Variants in ARHGEF26 observed in about 807,000 individuals in gnomAD.
The protein encoded by ARHGEF26 is Rho guanine nucleotide exchange factor (GEF) 26.
Under a neutral mutation model 89.4 loss-of-function variants are expected in ARHGEF26, and 59 were observed. The ratio of observed to expected loss-of-function variants is 0.66; its 90% confidence interval spans 0.54 to 0.82. ARHGEF26 has a LOEUF of 0.82. ARHGEF26 is among the 40% of genes least tolerant of loss of function. The pLI is 0.00. For missense variants in ARHGEF26, 1,234 were observed against 1,085.6 expected (o/e 1.14, Z -1.92); for synonymous variants, 500 against 428.4 (o/e 1.17, Z -2.06).
intron 6 of ARHGEF26, among the ~76,000 whole-genome samples, chr3:154,155,345 AAC>A (rs1210903105): frequency 6.6e-6 from 1 of 152,046 alleles, no homozygotes; most frequent in Non-Finnish European, 1.5e-5. Flanking sequence ...TGCTCGCTGA[AAC>A]ACAAGAATAT....
At chr3:154,124,935 T>C (rs1718237234) in intron 3 of ARHGEF26, among the ~76,000 whole-genome samples, 2 of 151,744 alleles carry the variant, frequency 1.3e-5, no homozygotes, top group Non-Finnish European at 1.5e-5. Flanking sequence ...AAAAACATAT[T>C]CTTAAGACTT....
intron 9 of ARHGEF26, among the ~76,000 whole-genome samples, chr3:154,214,754 G>T (rs1715610570): frequency 6.6e-6 from 1 of 152,138 alleles, no homozygotes; most frequent in Non-Finnish European, 1.5e-5. Flanking sequence ...GCCTGGTATG[G>T]TGCTTGGGTT....
At chr3:154,133,542 G>C (rs1246391853) in intron 4 of ARHGEF26, among the ~76,000 whole-genome samples, 1 of 151,502 alleles carries the variant, frequency 6.6e-6, no homozygotes, top group African/African-American at 2.4e-5. Flanking sequence ...TTATTTCTGG[G>C]CTCTTTTTTC....
chr3:154,129,758 AAAC>A (rs769786046), intron 4 of ARHGEF26, 39 bp downstream of exon 4: 1 of 1,569,692 alleles, frequency 6.4e-7, no homozygotes, highest in African/African-American at 1.4e-5. Flanking sequence ...GGTAGGAAAA[AAAC>A]AAGTTTTGGA....
chr3:154,228,631 G>T (rs1716640056), intron 11 of ARHGEF26, among the ~76,000 whole-genome samples: 1 of 151,858 alleles, frequency 6.6e-6, no homozygotes, highest in Non-Finnish European at 1.5e-5. Context: ...AATTGTTTAT[G>T]ACCTGAATAT....
intron 12 of ARHGEF26, among the ~76,000 whole-genome samples, 179 bp downstream of exon 12, chr3:154,240,758 T>C (rs977905686): frequency 6.6e-6 from 1 of 152,238 alleles, no homozygotes; most frequent in African/African-American, 2.4e-5. Flanking sequence ...CATTGTAATC[T>C]TCTTACAGGA....
chr3:154,233,024 GGTTTTACCAT>G (rs1163653686), intron 11 of ARHGEF26, among the ~76,000 whole-genome samples: 11 of 151,718 alleles, frequency 7.3e-5, no homozygotes, highest in African/African-American at 2.4e-4. Context: ...GTAAAGACGG[GGTTTTACCAT>G]GTTAGCCAGG....
intron 9 of ARHGEF26, among the ~76,000 whole-genome samples, chr3:154,196,375 C>T (rs1007447175): frequency 6.6e-6 from 1 of 152,074 alleles, no homozygotes; most frequent in Non-Finnish European, 1.5e-5. Context: ...ATGAGGTTGG[C>T]ACAGAGGAGC....
Position 154,129,654 on chromosome 3 carries a change from A to C in ARHGEF26, c.1204A>C (p.Lys402Gln). Residue 402 changes from lysine (K) to glutamine (Q), a missense_variant, in exon 4 of 15, where the codon AAG (lysine) becomes CAG (glutamine). Physicochemically the swap from Lys to Gln is moderately conservative, Grantham distance 53. Coordinates refer to ENST00000465093, the MANE Select transcript of ARHGEF26 (RefSeq NM_015595.4). ...SDEESEPKEQ[K>Q]SDEKIVIHHK... Reference sequence around the variant, plus strand: ...TGAAGAGTCAGAGCCCAAAGAACAGAAGTCAGATGAAAAAATTGTGATTCA... The same window carrying C: ...TGAAGAGTCAGAGCCCAAAGAACAGCAGTCAGATGAAAAAATTGTGATTCA... 1 of 1,612,194 alleles carries C rather than the reference A, an allele frequency of 6.2e-7. No homozygotes were observed. The highest frequency in any genetic ancestry group is 8.5e-7 in the Non-Finnish European group (1 of 1,179,068).
intron 6 of ARHGEF26, among the ~76,000 whole-genome samples, chr3:154,167,253 G>T (rs1233770578): frequency 6.6e-6 from 1 of 152,136 alleles, no homozygotes. Context: ...ACTGTGCTAG[G>T]CATTGGAAAT....
At chr3:154,156,743 G>T (rs553385173) in intron 6 of ARHGEF26, among the ~76,000 whole-genome samples, 2 of 152,126 alleles carry the variant, frequency 1.3e-5, no homozygotes, top group African/African-American at 4.8e-5. Context: ...CCAAGTGTTG[G>T]TAACTACTTA....
chr3:154,201,057 T>A (rs1282351103), intron 9 of ARHGEF26, among the ~76,000 whole-genome samples: 1 of 152,124 alleles, frequency 6.6e-6, no homozygotes, highest in African/African-American at 2.4e-5. Context: ...AGGTGCAGGT[T>A]TGTTACGTAT....
At chr3:154,134,545 C>T (rs1223249069) in intron 4 of ARHGEF26, among the ~76,000 whole-genome samples, 2 of 151,992 alleles carry the variant, frequency 1.3e-5, no homozygotes, top group East Asian at 1.9e-4. Context: ...CCACCTGGTC[C>T]CCCCAACAAC....
At chr3:154,170,681 G>A (rs938476434) in intron 6 of ARHGEF26, among the ~76,000 whole-genome samples, 2 of 152,220 alleles carry the variant, frequency 1.3e-5, no homozygotes, top group Non-Finnish European at 1.5e-5. Flanking sequence ...TATTATGGAA[G>A]TTAAACGAAT....
At chr3:154,147,143 G>A (rs542387493) in intron 4 of ARHGEF26, among the ~76,000 whole-genome samples, 57 of 152,316 alleles carry the variant, frequency 3.7e-4, no homozygotes, top group African/African-American at 1.3e-3. Context: ...GGTGGCTCAC[G>A]TCTGTAATCC....
chr3:154,135,207 G>T (rs1276621330), intron 4 of ARHGEF26, among the ~76,000 whole-genome samples: 1 of 152,024 alleles, frequency 6.6e-6, no homozygotes, highest in African/African-American at 2.4e-5. Flanking sequence ...GCTTGGTCCT[G>T]GGCTTTTCTT....
chr3:154,229,244 A>G (rs1716688775), intron 11 of ARHGEF26, among the ~76,000 whole-genome samples: 1 of 152,146 alleles, frequency 6.6e-6, no homozygotes, highest in Non-Finnish European at 1.5e-5. Flanking sequence ...TATGTTGCCC[A>G]GGCTGCAGTT....
At chr3:154,220,695 T>G (rs1033557611) in intron 10 of ARHGEF26, among the ~76,000 whole-genome samples, 1 of 151,640 alleles carries the variant, frequency 6.6e-6, no homozygotes, top group Non-Finnish European at 1.5e-5. Context: ...CACCGAAAAG[T>G]TCTAAGCAGG....
chr3:154,158,834 C>G (rs1319178840), intron 6 of ARHGEF26, among the ~76,000 whole-genome samples: 6 of 151,920 alleles, frequency 3.9e-5, no homozygotes, highest in African/African-American at 1.5e-4. Flanking sequence ...CTACAAAAAT[C>G]TATGGTTACT....
Sources: gnomAD v4.1 joint callset for allele counts (sites outside exome capture counted in the v4.1 genomes callset) on GRCh38, gnomAD v4.1.1 for gene constraint, MANE v1.5 for transcripts, NCBI Gene and HGNC (gene_info 2026-07-23, HGNC 2026-07-21) for gene names.